Variants in DCC observed in about 807,000 individuals in gnomAD.
DCC encodes the protein netrin receptor DCC.
Under a neutral mutation model 172.5 loss-of-function variants are expected in DCC, and 58 were observed. The observed-to-expected ratio is 0.34, with a 90% CI of 0.27 to 0.42. The LOEUF is 0.42. Among genes scored for constraint, DCC ranks in the 10% least tolerant of loss-of-function variants. The pLI is 1.00. For missense variants in DCC, 1,740 were observed against 1,791.0 expected, an observed-to-expected ratio of 0.97 and a Z score of 0.51; for synonymous variants, 709 against 644.5, an observed-to-expected ratio of 1.10 and a Z score of -1.52.
At chr18:52,591,577 T>C (rs2033800054) in intron 1 of DCC, among the ~76,000 whole-genome samples, 1 of 151,882 alleles carries the variant, frequency 6.6e-6, no homozygotes, top group Non-Finnish European at 1.5e-5. Context: ...AATTATATCT[T>C]TAAGGTCTTC....
intron 2 of DCC, among the ~76,000 whole-genome samples, chr18:52,795,872 A>T (rs1413272582): frequency 1.3e-5 from 2 of 151,786 alleles, no homozygotes; most frequent in African/African-American, 4.8e-5. Context: ...ATGTTATTTA[A>T]TTTCCATGTA....
chr18:53,472,596 C>A (rs2045711270), intron 25 of DCC, among the ~76,000 whole-genome samples: 1 of 152,276 alleles, frequency 6.6e-6, no homozygotes, highest in Admixed American at 6.5e-5. Context: ...TAATAAATTC[C>A]CATATGCCAT....
chr18:53,122,923 C>T (rs993651788), intron 7 of DCC, among the ~76,000 whole-genome samples: 7 of 152,040 alleles, frequency 4.6e-5, no homozygotes, highest in Non-Finnish European at 1.0e-4. Context: ...AATGCCCCTC[C>T]TTCCATATTC....
At chr18:53,440,630 A>T (rs1912216282) in intron 22 of DCC, among the ~76,000 whole-genome samples, 1 of 152,178 alleles carries the variant, frequency 6.6e-6, no homozygotes, top group Non-Finnish European at 1.5e-5. Context: ...TGCTACACTC[A>T]GCAGAAATCT....
chr18:52,366,663 T>C (rs145911027), intron 1 of DCC, among the ~76,000 whole-genome samples: 1 of 151,070 alleles, frequency 6.6e-6, no homozygotes, highest in Non-Finnish European at 1.5e-5. Context: ...TTACAATCCC[T>C]GAGCCAGACA....
intron 1 of DCC, among the ~76,000 whole-genome samples, chr18:52,394,180 T>A (rs967640042): frequency 2.0e-5 from 3 of 152,104 alleles, no homozygotes; most frequent in Non-Finnish European, 4.4e-5. Flanking sequence ...ACCCAAGGCA[T>A]CCTCGTCTTT....
chr18:52,811,005 G>A (rs1184258102), intron 2 of DCC, among the ~76,000 whole-genome samples: 1 of 152,152 alleles, frequency 6.6e-6, no homozygotes, highest in Non-Finnish European at 1.5e-5. Context: ...AGCAGCAGTG[G>A]CATGAACAGA....
intron 7 of DCC, among the ~76,000 whole-genome samples, chr18:53,130,742 T>G (rs529569941): frequency 1.3e-4 from 20 of 152,252 alleles, no homozygotes; most frequent in African/African-American, 4.8e-4. Flanking sequence ...CTTACCTTAG[T>G]GTCCTTAGGT....
chr18:53,026,197 T>C (rs2041953317), intron 5 of DCC, among the ~76,000 whole-genome samples: 1 of 152,126 alleles, frequency 6.6e-6, no homozygotes, highest in African/African-American at 2.4e-5. Flanking sequence ...ATCTTTATTT[T>C]AATGTGTACT....
At chr18:52,708,067 C>A (rs1320219691) in intron 1 of DCC, among the ~76,000 whole-genome samples, 1 of 152,128 alleles carries the variant, frequency 6.6e-6, no homozygotes, top group Non-Finnish European at 1.5e-5. Context: ...GTAGCCATTC[C>A]ATTATGTATA....
chr18:52,367,184 G>T (rs979446587), intron 1 of DCC, among the ~76,000 whole-genome samples: 1 of 151,970 alleles, frequency 6.6e-6, no homozygotes, highest in East Asian at 1.9e-4. Context: ...AGCAGGGCTG[G>T]CCGACTGCTC....
At chr18:52,451,675 C>T (rs192560982) in intron 1 of DCC, among the ~76,000 whole-genome samples, 52 of 151,634 alleles carry the variant, frequency 3.4e-4, no homozygotes, top group African/African-American at 5.1e-4. Context: ...AGTGTGTGGG[C>T]GTGTGTGTGT....
intron 1 of DCC, among the ~76,000 whole-genome samples, chr18:52,461,992 TG>T: frequency 6.6e-6 from 1 of 152,182 alleles, no homozygotes; most frequent in Non-Finnish European, 1.5e-5. Flanking sequence ...TCCTTTCAAT[TG>T]CTTAGGGCAA....
At chr18:53,385,912 C>A in intron 15 of DCC, 131 bp from the exon 16 acceptor site, 2 of 711,242 alleles carry the variant, frequency 2.8e-6, no homozygotes, top group Non-Finnish European at 2.5e-6. Context: ...CTTTCTGAAT[C>A]CAACTCACTC....
At chr18:52,649,966 T>C (rs1206307412) in intron 1 of DCC, among the ~76,000 whole-genome samples, 1 of 140,344 alleles carries the variant, frequency 7.1e-6, no homozygotes, top group Admixed American at 8.2e-5. Context: ...AATCAGATGA[T>C]AGTTCTATTT....
chr18:52,479,393 C>T (rs1183228664), intron 1 of DCC, among the ~76,000 whole-genome samples: 1 of 151,968 alleles, frequency 6.6e-6, no homozygotes, highest in African/African-American at 2.4e-5. Flanking sequence ...GTTCATATTC[C>T]CTTGGTCTTT....
At chr18:53,301,476 A>G (rs2057141296) in intron 12 of DCC, among the ~76,000 whole-genome samples, 1 of 152,154 alleles carries the variant, frequency 6.6e-6, no homozygotes. Context: ...TGCTTATTTT[A>G]AAACTTAATT....
At chr18:52,810,592 G>C (rs1413757691) in intron 2 of DCC, among the ~76,000 whole-genome samples, 3 of 152,174 alleles carry the variant, frequency 2.0e-5, no homozygotes, top group Non-Finnish European at 4.4e-5. Context: ...CCCCCATGTG[G>C]CTGGGTCTGA....
intron 2 of DCC, among the ~76,000 whole-genome samples, chr18:52,767,246 G>T (rs1463136087): frequency 6.6e-6 from 1 of 152,050 alleles, no homozygotes; most frequent in Non-Finnish European, 1.5e-5. Flanking sequence ...AATACTCAGG[G>T]TTCATGATTT....
Sources: allele counts gnomAD v4.1 joint callset (sites outside exome capture counted in the v4.1 genomes callset), GRCh38; gene constraint gnomAD v4.1.1; transcripts MANE v1.5; gene names NCBI Gene and HGNC (gene_info 2026-07-23, HGNC 2026-07-21).